Variants in RASA1 observed in about 807,000 individuals in gnomAD.
The protein encoded by RASA1 is RAS p21 protein activator 1.
A neutral mutation model predicts 132.2 loss-of-function variants in RASA1; 25 were observed. The observed-to-expected ratio is 0.19, with a 90% confidence interval of 0.14 to 0.26. The LOEUF (loss-of-function observed/expected upper bound fraction) is 0.26, where lower values mean the gene tolerates loss of function less well. RASA1 is among the 10% of genes least tolerant of loss of function. The pLI is 1.00. For synonymous variants in RASA1, 477 were observed against 449.9 expected (o/e 1.06, Z -0.76); for missense variants, 964 against 1,299.2 (o/e 0.74, Z 3.97).
chr5:87,310,443 G>C (rs1207513971), intron 1 of RASA1, among the ~76,000 whole-genome samples: 1 of 152,118 alleles, frequency 6.6e-6, no homozygotes, highest in East Asian at 1.9e-4. Context: ...TATTTCCTGA[G>C]TTATTTTTTG....
intron 1 of RASA1, among the ~76,000 whole-genome samples, chr5:87,327,763 G>A (rs1246370139): frequency 2.0e-5 from 3 of 152,070 alleles, no homozygotes; most frequent in Non-Finnish European, 4.4e-5. Flanking sequence ...TCAGTAGCTC[G>A]GGACCAGCCT....
At chr5:87,379,941 C>T (rs1406371082) in intron 19 of RASA1, 91 bp downstream of exon 19, 2 of 1,276,694 alleles carry the variant, frequency 1.6e-6, no homozygotes, top group Admixed American at 3.9e-5. Flanking sequence ...TTCTGTTGTC[C>T]TAATATTATT....
intron 3 of RASA1, 102 bp from the exon 4 acceptor site, chr5:87,333,165 G>A (rs770640802): frequency 3.7e-5 from 55 of 1,500,988 alleles, no homozygotes; most frequent in Non-Finnish European, 4.4e-5. Flanking sequence ...ATCCCATGGA[G>A]TTTCTAATGT....
At chr5:87,384,996 G>A (rs983546241) in intron 21 of RASA1, among the ~76,000 whole-genome samples, 5 of 151,986 alleles carry the variant, frequency 3.3e-5, no homozygotes, top group Non-Finnish European at 5.9e-5. Context: ...AGTGATAAAG[G>A]TAAAGCTTTG....
At chr5:87,314,974 T>C (rs1756211500) in intron 1 of RASA1, among the ~76,000 whole-genome samples, 6 of 152,210 alleles carry the variant, frequency 3.9e-5, no homozygotes, top group Admixed American at 3.3e-4. Context: ...AAATAAAACA[T>C]TTTTGAATAT....
intron 9 of RASA1, 134 bp downstream of exon 9, chr5:87,353,369 A>G: frequency 1.3e-6 from 1 of 768,368 alleles, no homozygotes; most frequent in Admixed American, 2.3e-5. Flanking sequence ...ATTTTTTTAG[A>G]AAGTCAACTG....
chr5:87,377,417 A>G lies in RASA1; in HGVS notation c.2344+377A>G, dbSNP rs1761401264. Among the ~76,000 whole-genome samples the G allele has an allele frequency of 2.6e-5, 4 of 151,994 alleles. No homozygotes were observed. In the South Asian group the frequency reaches 6.2e-4, roughly 24 times the overall value. ...GCAGTCTCGGCTCACTGCAACCTCT[A>G]CCTCTCAGGTTCAAGCGATTCTCCT... On this transcript the variant is annotated intron_variant, in intron 17 of 24. Coordinates refer to ENST00000274376, the MANE Select transcript of RASA1 (RefSeq NM_002890.3).
At chr5:87,386,686 A>C in intron 22 of RASA1, 140 bp from the exon 23 acceptor site, 1 of 704,112 alleles carries the variant, frequency 1.4e-6, no homozygotes, top group Non-Finnish European at 2.6e-6. Flanking sequence ...GTATTGCTAC[A>C]TGTATGGGTT....
At chr5:87,296,513 T>C (rs1755126196) in intron 1 of RASA1, among the ~76,000 whole-genome samples, 1 of 152,234 alleles carries the variant, frequency 6.6e-6, no homozygotes, top group Non-Finnish European at 1.5e-5. Context: ...AACACAAGTC[T>C]TCAATTTTTG....
intron 1 of RASA1, 61 bp from the exon 2 acceptor site, chr5:87,331,287 T>A: frequency 6.7e-7 from 1 of 1,491,676 alleles, no homozygotes; most frequent in Non-Finnish European, 9.3e-7. Flanking sequence ...GTTTTTCAAG[T>A]GTCCATAGAA....
chr5:87,273,917 C>G (rs1448520386), intron 1 of RASA1, among the ~76,000 whole-genome samples: 2 of 152,096 alleles, frequency 1.3e-5, no homozygotes, highest in African/African-American at 4.8e-5. Flanking sequence ...AGGCTGGTCT[C>G]GAACTCCTAA....
chr5:87,320,753 A>G (rs1217823814), intron 1 of RASA1, among the ~76,000 whole-genome samples: 1 of 152,262 alleles, frequency 6.6e-6, no homozygotes, highest in East Asian at 1.9e-4. Context: ...TAATGTATTC[A>G]GTTAAAGGGG....
chr5:87,386,114 TC>T (rs1338048690), intron 22 of RASA1, among the ~76,000 whole-genome samples: 1 of 152,078 alleles, frequency 6.6e-6, no homozygotes, highest in African/African-American at 2.4e-5. Flanking sequence ...TATACTTTTT[TC>T]TTTTTTGCCA....
rs1025780112 is a variant in RASA1, at chr5:87,385,177, G to C, written c.2759-124G>C. 8.9e-5 allele frequency: 64 copies of C among 721,946 alleles called. 1 individual carries two copies. Among genetic ancestry groups the C allele is most frequent in the Non-Finnish European group, 1.5e-5 (6 of 398,932 alleles). The allele number at this position is 721,946 out of a possible 1,614,324, so 44.7% of individuals were successfully genotyped here. ...AAACATTTTTCCAAAAACATTCTGAGTTCCGAATGGAAGAATGGGTAGTAG... is the reference window on the plus strand; with the variant it reads ...AAACATTTTTCCAAAAACATTCTGACTTCCGAATGGAAGAATGGGTAGTAG... On this transcript the variant is annotated intron_variant, in intron 21 of 24. Coordinates refer to ENST00000274376, the MANE Select transcript of RASA1 (RefSeq NM_002890.3).
In RASA1 at chr5:87,349,141, G is replaced by T. The variant is rs563008428; in HGVS notation, c.1103-73G>T. 9.4e-5 allele frequency: 145 copies of T among 1,537,810 alleles called. 1 individual carries two copies. The African/African-American group carries it at 1.7e-3, about 18-fold the overall frequency. On this transcript the variant is annotated intron_variant, in intron 7 of 24. Transcript: ENST00000274376. ...ATGTTTATGACTTTGAATGCACTTT[G>T]TAATAATACTACTTAACATCTTTTC... is the stretch of plus-strand genomic sequence containing the variant.
Position 87,363,596 on chromosome 5 carries a change from A to T in RASA1, c.1610+92A>T, listed in dbSNP as rs573915396. On this transcript the variant is annotated intron_variant, in intron 11 of 24. Coordinates refer to ENST00000274376, the MANE Select transcript of RASA1 (RefSeq NM_002890.3). ...AACCAATTTTGAGAGCCCTAAAATCATCTTCTAAAAGTAGCAGATGCACTT... is the reference window on the plus strand; with the variant it reads ...AACCAATTTTGAGAGCCCTAAAATCTTCTTCTAAAAGTAGCAGATGCACTT... 12 of 1,423,440 alleles carry T rather than the reference A, an allele frequency of 8.4e-6. No homozygotes were observed. In the East Asian group the frequency reaches 2.1e-4, roughly 25 times the overall value. 88.2% of individuals were successfully genotyped at this position (1,423,440 alleles called of 1,614,324 possible).
At chr5:87,375,993 G>A (rs994877911) in intron 15 of RASA1, among the ~76,000 whole-genome samples, 3 of 152,032 alleles carry the variant, frequency 2.0e-5, no homozygotes, top group African/African-American at 7.3e-5. Context: ...TACACCTCTA[G>A]ATCTCGTCCG....
chr5:87,308,689 A>G (rs1054388404), intron 1 of RASA1, among the ~76,000 whole-genome samples: 1 of 152,208 alleles, frequency 6.6e-6, no homozygotes, highest in Non-Finnish European at 1.5e-5. Context: ...TAATGTTAGC[A>G]TAATGACATT....
At chr5:87,358,645 T>G (rs1277600914) in intron 9 of RASA1, among the ~76,000 whole-genome samples, 2 of 152,214 alleles carry the variant, frequency 1.3e-5, no homozygotes, top group African/African-American at 4.8e-5. Context: ...CTCCTCTGTT[T>G]TAATACTTGA....
Sources: allele counts gnomAD v4.1 joint callset (sites outside exome capture counted in the v4.1 genomes callset), GRCh38; gene constraint gnomAD v4.1.1; transcripts MANE v1.5; gene names NCBI Gene and HGNC (gene_info 2026-07-23, HGNC 2026-07-21).